STK32B: variants seen among roughly 807,000 people sequenced by gnomAD.
STK32B encodes serine/threonine-protein kinase 32B.
In STK32B, 43 loss-of-function variants were observed where a neutral mutation model predicts 52.6. That is an observed-to-expected ratio of 0.82 (90% CI 0.64 to 1.05). The LOEUF is 1.05. STK32B is among the 50% of genes least tolerant of loss of function. STK32B has a pLI of 0.00. For missense variants in STK32B, 621 were observed against 534.6 expected (o/e 1.16, Z -1.59); for synonymous variants, 238 against 204.3 (o/e 1.17, Z -1.41).
chr4:5,299,170 T>C (rs1304220587), intron 3 of STK32B, among the ~76,000 whole-genome samples: 1 of 151,830 alleles, frequency 6.6e-6, no homozygotes, highest in Non-Finnish European at 1.5e-5. Context: ...GGTACCTCAG[T>C]TGGAAATGCA....
intron 5 of STK32B, among the ~76,000 whole-genome samples, chr4:5,402,998 A>T (rs2109052384): frequency 6.6e-6 from 1 of 152,326 alleles, no homozygotes; most frequent in African/African-American, 2.4e-5. Flanking sequence ...CTGGATCTTC[A>T]GCAGCTGGCA....
chr4:5,049,322 G>A (rs537156640), upstream of STK32B, among the ~76,000 whole-genome samples: 186 of 151,972 alleles, frequency 1.2e-3, no homozygotes, highest in Admixed American at 4.0e-3. Flanking sequence ...TCAGCCTCCC[G>A]AGTAGCCGGG....
intron 4 of STK32B, among the ~76,000 whole-genome samples, chr4:5,353,169 T>C (rs1733946843): frequency 6.6e-6 from 1 of 152,254 alleles, no homozygotes; most frequent in South Asian, 2.1e-4. Flanking sequence ...AACACCCTCT[T>C]CAATAAATGG....
chr4:5,431,610 T>C (rs747728532), intron 6 of STK32B, among the ~76,000 whole-genome samples: 6 of 152,208 alleles, frequency 3.9e-5, no homozygotes, highest in Non-Finnish European at 8.8e-5. Context: ...AGAGCTTACG[T>C]ATTTACTCAT....
At chr4:5,151,435 G>A (rs1717356219) in intron 2 of STK32B, among the ~76,000 whole-genome samples, 1 of 152,272 alleles carries the variant, frequency 6.6e-6, no homozygotes, top group East Asian at 1.9e-4. Context: ...TTTATTAAGA[G>A]TTTTCCAGAA....
rs143844707 is a variant in STK32B, at chr4:5,472,550, T to C, written c.1106+4480T>C. 6.0e-3 allele frequency among the ~76,000 whole-genome samples: 907 copies of C among 152,316 alleles called. 3 individuals carry two copies. The highest frequency in any genetic ancestry group is 0.01 in the Non-Finnish European group (688 of 68,028). On this transcript the variant is annotated intron_variant, in intron 11 of 11. Coordinates refer to ENST00000282908, the MANE Select transcript of STK32B (RefSeq NM_018401.3). ...CACCAGGGGGCCCATCCTCCTATTCTTGGCCAAAGATCTGAGCAGGGCTGA... is the reference window on the plus strand; with the variant it reads ...CACCAGGGGGCCCATCCTCCTATTCCTGGCCAAAGATCTGAGCAGGGCTGA...
intron 1 of STK32B, among the ~76,000 whole-genome samples, chr4:5,079,275 A>G (rs919370867): frequency 5.6e-5 from 3 of 53,610 alleles, no homozygotes; most frequent in African/African-American, 1.2e-4. Context: ...GAATGTATAA[A>G]TTGTATACAT....
chr4:5,496,920 G>T (rs1312872727), intron 11 of STK32B, among the ~76,000 whole-genome samples: 1 of 152,058 alleles, frequency 6.6e-6, no homozygotes, highest in Non-Finnish European at 1.5e-5. Context: ...GAGAAGTTTT[G>T]AACAAAGAGG....
chr4:5,124,201 C>G (rs959030847), intron 1 of STK32B, among the ~76,000 whole-genome samples: 4 of 152,176 alleles, frequency 2.6e-5, no homozygotes, highest in African/African-American at 9.7e-5. Flanking sequence ...TAATTTTGCT[C>G]TCTCACAGAG....
rs559172752 is a variant in STK32B at position 5,094,507 on chromosome 4, A to G, written c.52+42592A>G. Reference sequence around the variant, plus strand: ...GTCTCTACAGAATATTTTAAAAACTAGGTGGGCATGGTGGTGTGCACCTGC... The same window carrying G: ...GTCTCTACAGAATATTTTAAAAACTGGGTGGGCATGGTGGTGTGCACCTGC... On this transcript the variant is annotated intron_variant, in intron 1 of 11. Transcript: ENST00000282908. 2.6e-5 allele frequency among the ~76,000 whole-genome samples: 4 copies of G among 152,182 alleles called. No individual in the cohort carries two copies. In the East Asian group the frequency reaches 7.7e-4, roughly 29 times the overall value.
intron 6 of STK32B, among the ~76,000 whole-genome samples, chr4:5,439,876 C>A (rs1185355308): frequency 6.6e-6 from 1 of 152,018 alleles, no homozygotes; most frequent in African/African-American, 2.4e-5. Context: ...TTCCCCATTG[C>A]TTGTTTTTCT....
chr4:5,480,980 CATT>C (rs945545930), intron 11 of STK32B, among the ~76,000 whole-genome samples: 1 of 152,092 alleles, frequency 6.6e-6, no homozygotes, highest in Non-Finnish European at 1.5e-5. Context: ...TCCAGTCTAT[CATT>C]GTTGGACATT....
At chr4:5,139,471 G>C (rs1054088165) in intron 1 of STK32B, 18 of 173,070 alleles carry the variant, frequency 1.0e-4, no homozygotes, top group African/African-American at 4.2e-4. Flanking sequence ...TTAATGCCTG[G>C]GAGGACAAGG....
At chr4:5,388,709 C>T (rs1038578689) in intron 4 of STK32B, among the ~76,000 whole-genome samples, 2 of 152,102 alleles carry the variant, frequency 1.3e-5, no homozygotes, top group South Asian at 2.1e-4. Flanking sequence ...GTGTTGGCTG[C>T]GTGGACCAAG....
At chr4:5,492,639 T>C (rs1292094542) in intron 11 of STK32B, among the ~76,000 whole-genome samples, 1 of 150,228 alleles carries the variant, frequency 6.7e-6, no homozygotes, top group Non-Finnish European at 1.5e-5. Flanking sequence ...AGAGAGGGCA[T>C]CCCTGTCTTG....
At chr4:5,063,676 A>C (rs372412544) in intron 1 of STK32B, among the ~76,000 whole-genome samples, 19 of 152,184 alleles carry the variant, frequency 1.2e-4, no homozygotes, top group African/African-American at 4.1e-4. Context: ...ATTTTACATT[A>C]GTTTATTCAC....
Position 5,421,637 on chromosome 4 carries a change from T to C in STK32B, c.562+4703T>C, listed in dbSNP as rs117761976. Among the ~76,000 whole-genome samples, 458 of 152,304 alleles carry C rather than the reference T, an allele frequency of 3.0e-3. 25 individuals carry two copies. In the East Asian group the frequency reaches 0.074, roughly 25 times the overall value. Reference sequence around the variant, plus strand: ...CTCTACTGGGGCTTCCTGACCTTGCTCCTGCCTCACACTGTCTGAGGCAGC... The same window carrying C: ...CTCTACTGGGGCTTCCTGACCTTGCCCCTGCCTCACACTGTCTGAGGCAGC... On this transcript the variant is annotated intron_variant, in intron 6 of 11. Coordinates refer to ENST00000282908, the MANE Select transcript of STK32B (RefSeq NM_018401.3).
intron 2 of STK32B, among the ~76,000 whole-genome samples, chr4:5,160,315 A>G (rs1008504632): frequency 6.6e-6 from 1 of 152,152 alleles, no homozygotes; most frequent in African/African-American, 2.4e-5. Context: ...AGCCTTTATA[A>G]CTGCCCATTA....
intron 2 of STK32B, among the ~76,000 whole-genome samples, chr4:5,167,740 G>A (rs1421105359): frequency 6.6e-6 from 1 of 152,208 alleles, no homozygotes; most frequent in African/African-American, 2.4e-5. Flanking sequence ...GTCGTGGATC[G>A]AATGTTGCTC....
Sources: gnomAD v4.1 joint callset for allele counts (sites outside exome capture counted in the v4.1 genomes callset) on GRCh38, gnomAD v4.1.1 for gene constraint, MANE v1.5 for transcripts, NCBI Gene and HGNC (gene_info 2026-07-23, HGNC 2026-07-21) for gene names.